The following SLC1A6 variants were observed in gnomAD, a reference collection of about 807,000 sequenced individuals.
SLC1A6 encodes the protein solute carrier family 1 member 6.
SLC1A6 carries 15 observed loss-of-function variants against 42.1 expected under a neutral mutation model. The observed-to-expected ratio is 0.36, with a 90% CI of 0.24 to 0.55. The LOEUF (loss-of-function observed/expected upper bound fraction) is 0.55. Among genes scored for constraint, SLC1A6 ranks in the 20% least tolerant of loss-of-function variants. The pLI is 0.88. For synonymous variants in SLC1A6, 317 were observed against 319.7 expected (o/e 0.99, Z 0.09); for missense variants, 542 against 772.5 (o/e 0.70, Z 3.54).
At chr19:15,003,066 C>G (rs1384157195) in intron 1 of SLC1A6, among the ~76,000 whole-genome samples, 3 of 152,054 alleles carry the variant, frequency 2.0e-5, no homozygotes, top group Non-Finnish European at 4.4e-5. Flanking sequence ...GCAACCTCCG[C>G]CCCCCGGGTT....
intron 4 of SLC1A6, among the ~76,000 whole-genome samples, chr19:14,966,671 T>C (rs977116270): frequency 6.6e-6 from 1 of 152,144 alleles, no homozygotes; most frequent in Non-Finnish European, 1.5e-5. Flanking sequence ...ATGGCACATA[T>C]ATGCCATGCA....
At chr19:14,984,288 G>A (rs990765435), upstream of SLC1A6, among the ~76,000 whole-genome samples, 3 of 152,186 alleles carry the variant, frequency 2.0e-5, no homozygotes, top group Admixed American at 6.5e-5. Flanking sequence ...AGCCGAGATC[G>A]TGCCATTGCC....
chr19:14,954,355 G>T, intron 7 of SLC1A6, 26 bp from the exon 8 acceptor site: 1 of 1,598,224 alleles, frequency 6.3e-7, no homozygotes, highest in Non-Finnish European at 8.5e-7. Flanking sequence ...CAGGACTGAG[G>T]ATGGGGCGTG....
At chr19:14,961,943 C>T (rs1307648182) in intron 6 of SLC1A6, 59 bp downstream of exon 6, 5 of 1,544,202 alleles carry the variant, frequency 3.2e-6, no homozygotes, top group Non-Finnish European at 1.7e-6. Context: ...GGCAGCTTCC[C>T]CACAGCCTGA....
At position 14,966,184 on chromosome 19, in the gene SLC1A6, A is replaced by G. The variant is rs1599998953; in HGVS notation, c.549-1823T>C. Among the ~76,000 whole-genome samples the G allele has an allele frequency of 2.6e-5, 4 of 152,324 alleles. No individual in the cohort carries two copies. In the South Asian group the frequency reaches 8.3e-4, roughly 32 times the overall value. ...ACACTTGCTCCCCAAAAGCTATTGA[A>G]ATTAAAAATTAAAAAATTTTTCATA... On this transcript the variant is annotated intron_variant, in intron 4 of 9. Coordinates refer to ENST00000594383, the MANE Select transcript of SLC1A6 (RefSeq NM_005071.3).
intron 1 of SLC1A6, among the ~76,000 whole-genome samples, chr19:15,000,329 C>T (rs2045866800): frequency 6.6e-6 from 1 of 152,252 alleles, no homozygotes; most frequent in Admixed American, 6.5e-5. Flanking sequence ...TTATTCTTCT[C>T]TTCTAGCTAA....
chr19:14,978,173 G>A (rs7247250), intron 1 of SLC1A6: 18,788 of 152,100 alleles, frequency 0.12, 1,340 homozygotes, highest in African/African-American at 0.21. Flanking sequence ...AGTTTCTACA[G>A]GGTGAGGGGT....
At position 15,004,738 on chromosome 19, in the gene SLC1A6, TC is replaced by T. The variant is rs757317037; in HGVS notation, c.6+5746del. Among the ~76,000 whole-genome samples the T allele has an allele frequency of 1.2e-4, 19 of 152,134 alleles. 1 individual carries two copies. Among genetic ancestry groups the T allele is most frequent in the Non-Finnish European group, 1.5e-5 (1 of 68,024 alleles). On this transcript the variant is annotated intron_variant, in intron 1 of 8. Coordinates refer to the SLC1A6 transcript ENST00000430939. ...AGATTCTTATTCATTTCATTATGTT[TC>T]CCATATTTTATACATTTTATACAAG...
intron 1 of SLC1A6, among the ~76,000 whole-genome samples, chr19:15,008,107 G>T (rs138601017): frequency 0.026 from 3,902 of 151,934 alleles, 142 homozygotes; most frequent in African/African-American, 0.088. Context: ...ATTTTGGGAG[G>T]CTGAGGTGGG....
Position 14,956,728 on chromosome 19 carries a change from T to G in SLC1A6, c.936-19A>C. On this transcript the variant is annotated intron_variant, in intron 6 of 9. Transcript: ENST00000594383. ...TGCATACCTGTGTGAGGGAGCCACA[T>G]ACCTGTCAGGGCTCCCTCCTGACCT... 6.5e-7 allele frequency: 1 copy of G among 1,539,662 alleles called. No homozygotes were observed. The highest frequency in any genetic ancestry group is 1.7e-5 in the Admixed American group (1 of 58,474).
At chr19:14,989,764 TG>T (rs2045810487) in intron 1 of SLC1A6, among the ~76,000 whole-genome samples, 1 of 18,042 alleles carries the variant, frequency 5.5e-5, no homozygotes, top group African/African-American at 3.7e-4. Context: ...GGGGGTGGGG[TG>T]TGGATCACCT....
chr19:14,975,643 T>C (rs1472603027), intron 1 of SLC1A6, among the ~76,000 whole-genome samples: 1 of 150,368 alleles, frequency 6.7e-6, no homozygotes, highest in Non-Finnish European at 1.5e-5. Flanking sequence ...TCCCAGCTAC[T>C]CCAGAGGCTG....
At chr19:14,986,053 A>T (rs1171506060) in intron 1 of SLC1A6, among the ~76,000 whole-genome samples, 1 of 152,178 alleles carries the variant, frequency 6.6e-6, no homozygotes, top group Non-Finnish European at 1.5e-5. Context: ...ATTCCATGAA[A>T]AAAAGTAGCT....
chr19:14,956,877 C>T (rs1346734113), intron 6 of SLC1A6, among the ~76,000 whole-genome samples, 168 bp from the exon 7 acceptor site: 8 of 152,106 alleles, frequency 5.3e-5, no homozygotes, highest in Admixed American at 5.2e-4. Flanking sequence ...TGAATGCCAC[C>T]GGGCCCCATG....
chr19:14,954,052 C>CCCCCAACCCCCCCCA, intron 8 of SLC1A6, 83 bp downstream of exon 8: 1 of 1,065,282 alleles, frequency 9.4e-7, no homozygotes, highest in Non-Finnish European at 1.4e-6. Flanking sequence ...GCTGAGGCCC[C>CCCCCAACCCCCCCCA]CTCCTCCCTC....
intron 6 of SLC1A6, among the ~76,000 whole-genome samples, chr19:14,957,999 A>G (rs1453870078): frequency 1.3e-5 from 2 of 152,220 alleles, no homozygotes; most frequent in African/African-American, 2.4e-5. Context: ...AAGCAAGTTC[A>G]TCAGGGGCTC....
At chr19:14,976,053 C>T (rs2045707415) in intron 1 of SLC1A6, among the ~76,000 whole-genome samples, 1 of 152,096 alleles carries the variant, frequency 6.6e-6, no homozygotes, top group African/African-American at 2.4e-5. Context: ...TCTGTTCTTC[C>T]TTCTAGACCC....
At chr19:14,978,022 A>G (rs1330434374) in intron 1 of SLC1A6, 5 of 152,270 alleles carry the variant, frequency 3.3e-5, no homozygotes, top group Admixed American at 2.6e-4. Context: ...ATGTGATCTT[A>G]GACTCCACTT....
intron 1 of SLC1A6, among the ~76,000 whole-genome samples, chr19:14,995,873 T>C (rs1418180833): frequency 6.6e-6 from 1 of 152,096 alleles, no homozygotes; most frequent in Non-Finnish European, 1.5e-5. Context: ...ATCCAGGAGC[T>C]AGGTTACCCC....
Sources: allele counts gnomAD v4.1 joint callset (sites outside exome capture counted in the v4.1 genomes callset), GRCh38; gene constraint gnomAD v4.1.1; transcripts MANE v1.5; gene names NCBI Gene and HGNC (gene_info 2026-07-23, HGNC 2026-07-21).